The following MAP3K1 variants were observed in gnomAD, a reference collection of about 807,000 sequenced individuals.
MAP3K1 encodes MAP/ERK kinase kinase 1.
MAP3K1 carries 36 observed loss-of-function variants against 144.2 expected under a neutral mutation model. The ratio of observed to expected loss-of-function variants is 0.25; its 90% CI spans 0.19 to 0.33. The LOEUF is 0.33. Ranked by LOEUF, MAP3K1 falls within the 10% of genes least tolerant of loss-of-function variation. The pLI, the probability that MAP3K1 is intolerant of heterozygous loss-of-function variation, is 1.00. For missense variants in MAP3K1, 1,650 were observed against 1,881.9 expected, an observed-to-expected ratio of 0.88 and a Z score of 2.28; for synonymous variants, 718 against 688.7, an observed-to-expected ratio of 1.04 and a Z score of -0.67.
intron 1 of MAP3K1, 70 bp from the exon 2 acceptor site, chr5:56,856,530 T>G: frequency 7.6e-7 from 1 of 1,321,146 alleles, no homozygotes; most frequent in Non-Finnish European, 1.1e-6. Context: ...AACCATCCAT[T>G]CTGTTTGTTC....
rs1747620759 is a variant in MAP3K1 at position 56,864,651 on chromosome 5, G to A, written c.835-83G>A. ...GCCTCCCAAAGTGCTGGGATTACAGGCGTGAGCCACCATGCCTGACCGGAT... is the reference window on the plus strand; with the variant it reads ...GCCTCCCAAAGTGCTGGGATTACAGACGTGAGCCACCATGCCTGACCGGAT... On this transcript the variant is annotated intron_variant, in intron 3 of 19. Coordinates refer to ENST00000399503, the MANE Select transcript of MAP3K1 (RefSeq NM_005921.2). The A allele has an allele frequency of 3.4e-6, 5 of 1,457,182 alleles. No homozygotes were observed. The East Asian group carries it at 1.1e-4, about 33-fold the overall frequency. The allele number at this position is 1,457,182 out of a possible 1,614,324, so 90.3% of individuals were successfully genotyped here. A position where few individuals can be genotyped will look rare whatever the true frequency, so the allele number is the denominator to read the frequency against.
chr5:56,830,933 T>C (rs1746468329), intron 1 of MAP3K1, among the ~76,000 whole-genome samples: 1 of 151,474 alleles, frequency 6.6e-6, no homozygotes, highest in South Asian at 2.1e-4. Context: ...TTTTTTGTAA[T>C]GCACTATGAG....
chr5:56,881,552 A>C lies in MAP3K1; in HGVS notation c.2370-18A>C, dbSNP rs2111940831. 6.4e-7 allele frequency: 1 copy of C among 1,573,834 alleles called. No individual in the cohort carries two copies. Among genetic ancestry groups the C allele is most frequent in the African/African-American group, 1.3e-5 (1 of 74,424 alleles). On this transcript the variant is annotated intron_variant, in intron 13 of 19. Transcript: ENST00000399503. Reference sequence around the variant, plus strand: ...AGTAATTGGAACTTATATGGTAATGAATGTTTTTTTCTTTCAGGTATAAGA... The same window carrying C: ...AGTAATTGGAACTTATATGGTAATGCATGTTTTTTTCTTTCAGGTATAAGA...
chr5:56,821,729 C>T (rs148991461), intron 1 of MAP3K1, among the ~76,000 whole-genome samples: 377 of 152,252 alleles, frequency 2.5e-3, no homozygotes, highest in African/African-American at 8.8e-3. Context: ...TATATGTTAA[C>T]ACATAATCTT....
At chr5:56,839,478 A>T (rs1746746957) in intron 1 of MAP3K1, among the ~76,000 whole-genome samples, 1 of 152,250 alleles carries the variant, frequency 6.6e-6, no homozygotes, top group Non-Finnish European at 1.5e-5. Context: ...GTGAAAAAAT[A>T]CATATATAGT....
intron 1 of MAP3K1, among the ~76,000 whole-genome samples, chr5:56,844,639 C>T (rs550207260): frequency 2.6e-5 from 4 of 152,250 alleles, no homozygotes; most frequent in African/African-American, 4.8e-5. Flanking sequence ...GAGATCACTC[C>T]ACCTTCGCAA....
chr5:56,835,394 A>T (rs149723149), intron 1 of MAP3K1, among the ~76,000 whole-genome samples: 2,603 of 122,684 alleles, frequency 0.021, 234 homozygotes, highest in African/African-American at 0.097. Flanking sequence ...AGGGAAGAGG[A>T]GACAAGGAGG....
At position 56,882,760 on chromosome 5, in the gene MAP3K1, A is replaced by C. The variant is rs150901136; in HGVS notation, c.3560A>C (p.Glu1187Ala). ...CKEKMEAEEEEALAIAMAMSA... is the reference protein window; with the variant it reads ...CKEKMEAEEEAALAIAMAMSA... Reference sequence around the variant, plus strand: ...GAGAAGATGGAAGCTGAAGAAGAAGAAGCTTTAGCAATTGCCATGGCAATG... The same window carrying C: ...GAGAAGATGGAAGCTGAAGAAGAAGCAGCTTTAGCAATTGCCATGGCAATG... The change falls in exon 14 of 20, where the codon GAA (glutamate) becomes GCA (alanine). Residue 1187 changes from glutamate to alanine, a missense_variant. By Grantham distance (107) the Glu-to-Ala change is moderately radical. Transcript: ENST00000399503. 124 of 1,611,838 alleles carry C rather than the reference A, an allele frequency of 7.7e-5. No individual in the cohort carries two copies. Among genetic ancestry groups the C allele is most frequent in the Admixed American group, 3.2e-4 (19 of 59,674 alleles).
intron 6 of MAP3K1, among the ~76,000 whole-genome samples, chr5:56,868,298 G>C (rs1747738497): frequency 1.3e-5 from 2 of 151,938 alleles, no homozygotes; most frequent in Non-Finnish European, 1.5e-5. Flanking sequence ...CTCTATACTT[G>C]TAATTTTGCT....
chr5:56,827,255 C>T (rs1336348494), intron 1 of MAP3K1, among the ~76,000 whole-genome samples: 1 of 152,148 alleles, frequency 6.6e-6, no homozygotes, highest in Non-Finnish European at 1.5e-5. Flanking sequence ...CTCGTATTGC[C>T]CCCACTGGCC....
chr5:56,864,666 C>T (rs973539394), intron 3 of MAP3K1, 68 bp from the exon 4 acceptor site: 11 of 1,557,096 alleles, frequency 7.1e-6, no homozygotes, highest in African/African-American at 5.4e-5. Context: ...AGCCACCATG[C>T]CTGACCGGAT....
chr5:56,850,301 T>C (rs115574356), intron 1 of MAP3K1, among the ~76,000 whole-genome samples: 1 of 152,164 alleles, frequency 6.6e-6, no homozygotes, highest in Admixed American at 6.5e-5. Flanking sequence ...TCCCAAATAA[T>C]GTATTTTCTA....
Position 56,871,949 on chromosome 5 carries a change from G to A in MAP3K1, c.1341G>A (p.Leu447=). 6.2e-7 allele frequency: 1 copy of A among 1,613,922 alleles called. No homozygotes were observed. The highest frequency in any genetic ancestry group is 1.1e-5 in the South Asian group (1 of 91,078). ...AGGAACAGATGTGTCCTATTTGCTT[G>A]TTGGGCATGCTTGATGAAGAAAGTC... is the stretch of plus-strand genomic sequence containing the variant. ...DEEEQMCPIC[L]LGMLDEESLT... Residue 447 remains leucine (L), a synonymous_variant, in exon 7 of 20, where the codon TTG becomes TTA. Transcript: ENST00000399503.
rs1010023540 is a variant in MAP3K1 at position 56,883,752 on chromosome 5, A to C, written c.3819+73A>C. 36 of 1,480,772 alleles carry C rather than the reference A, an allele frequency of 2.4e-5. No individual in the cohort carries two copies. In the South Asian group the frequency reaches 3.7e-4, roughly 15 times the overall value. The allele number at this position is 1,480,772 out of a possible 1,614,324, so 91.7% of individuals were successfully genotyped here. A position where few individuals can be genotyped will look rare whatever the true frequency, so the allele number is the denominator to read the frequency against. The stretch of plus-strand genomic sequence containing the variant: ...GAAGCATGTTCAGTAAAAAGAATAA[A>C]GGATATGTCCACGTGTGTGTACTTT... On this transcript the variant is annotated intron_variant, in intron 15 of 19. Coordinates refer to ENST00000399503, the MANE Select transcript of MAP3K1 (RefSeq NM_005921.2).
rs55912465 is a variant in MAP3K1, at chr5:56,882,788, A to C, written c.3588A>C (p.Ser1196=). The C allele has an allele frequency of 4.7e-3, 7,501 of 1,611,796 alleles. 19 individuals are homozygous for C. The highest frequency in any genetic ancestry group is 5.9e-3 in the Non-Finnish European group (6,930 of 1,179,162). Residue 1196 remains serine, a synonymous_variant, in exon 14 of 20, where the codon TCA becomes TCC. Coordinates refer to ENST00000399503, the MANE Select transcript of MAP3K1 (RefSeq NM_005921.2). The part of the protein sequence containing the change: ...EEALAIAMAM[S]ASQDALPIVP... ...CTTTAGCAATTGCCATGGCAATGTC[A>C]GCGTCTCAGGATGCCCTCCCCATAG...
chr5:56,841,156 A>G (rs963092177), intron 1 of MAP3K1, among the ~76,000 whole-genome samples: 7 of 152,104 alleles, frequency 4.6e-5, no homozygotes, highest in Non-Finnish European at 1.0e-4. Context: ...TCTGAGGTCA[A>G]AATTGTTAAG....
At chr5:56,818,648 G>A (rs1224065318) in intron 1 of MAP3K1, among the ~76,000 whole-genome samples, 1 of 151,978 alleles carries the variant, frequency 6.6e-6, no homozygotes, top group East Asian at 1.9e-4. Context: ...CAGAATTTAG[G>A]GGCTTTTTCT....
intron 13 of MAP3K1, 78 bp from the exon 14 acceptor site, chr5:56,881,492 A>G (rs948981310): frequency 1.4e-5 from 17 of 1,207,102 alleles, no homozygotes; most frequent in Non-Finnish European, 1.5e-5. Context: ...CATGCTGTAA[A>G]TTACTACCAT....
chr5:56,882,893 G>C (rs1244673524), intron 14 of MAP3K1, 27 bp downstream of exon 14: 1 of 1,570,984 alleles, frequency 6.4e-7, no homozygotes, highest in African/African-American at 1.3e-5. Context: ...TAAGAGGTTA[G>C]AAAACTTCCT....
Sources: allele counts gnomAD v4.1 joint callset (sites outside exome capture counted in the v4.1 genomes callset), GRCh38; gene constraint gnomAD v4.1.1; transcripts MANE v1.5; gene names NCBI Gene and HGNC (gene_info 2026-07-23, HGNC 2026-07-21).